Variants in SLC13A1 observed in about 807,000 individuals in gnomAD.
The protein encoded by SLC13A1 is Na(+)/sulfate cotransporter.
A neutral mutation model predicts 70.0 loss-of-function variants in SLC13A1; 65 were observed. The observed-to-expected ratio is 0.93, with a 90% confidence interval of 0.76 to 1.14. The LOEUF is 1.14. SLC13A1 is among the 50% of genes most tolerant of loss of function. The pLI is 0.00. For synonymous variants in SLC13A1, 275 were observed against 250.5 expected (o/e 1.10, Z -0.92); for missense variants, 726 against 717.8 (o/e 1.01, Z -0.13).
chr7:123,157,287 A>G (rs1441094180), intron 6 of SLC13A1, among the ~76,000 whole-genome samples: 4 of 152,120 alleles, frequency 2.6e-5, no homozygotes, highest in Admixed American at 1.3e-4. Flanking sequence ...AATTGAAGTT[A>G]TCGGTAAGAC....
At chr7:123,176,527 A>G (rs867778799) in intron 2 of SLC13A1, among the ~76,000 whole-genome samples, 1 of 152,164 alleles carries the variant, frequency 6.6e-6, no homozygotes, top group South Asian at 2.1e-4. Flanking sequence ...TAGTTATGTA[A>G]TTTACCAGTT....
chr7:123,147,419 C>T, intron 6 of SLC13A1, 109 bp from the exon 7 acceptor site: 2 of 1,276,188 alleles, frequency 1.6e-6, no homozygotes, highest in Non-Finnish European at 2.1e-6. Flanking sequence ...ACCCTAACTC[C>T]TGATGTGATT....
At chr7:123,196,417 CA>C (rs1454076992) in intron 1 of SLC13A1, among the ~76,000 whole-genome samples, 1 of 152,088 alleles carries the variant, frequency 6.6e-6, no homozygotes, top group Non-Finnish European at 1.5e-5. Context: ...TATAAAGACA[CA>C]GATACTCAGT....
At position 123,125,671 on chromosome 7, in the gene SLC13A1, G is replaced by C; in HGVS notation, c.1138C>G (p.Pro380Ala). 1 of 1,608,600 alleles carries C rather than the reference G, an allele frequency of 6.2e-7. No individual in the cohort carries two copies. The highest frequency in any genetic ancestry group is 8.5e-7 in the Non-Finnish European group (1 of 1,177,164). ...PGWSALFSEY[P>A]GFATDSTVAL... is the part of the protein sequence containing the mutation. ...ACAGTTGAATCTGTAGCAAAACCAG[G>C]GTACCTGTAAAAGGGACAAATACAT... The change falls in exon 11 of 15, where the codon CCT (proline) becomes GCT (alanine). Residue 380 changes from proline (P) to alanine (A), a missense_variant. Physicochemically the swap from Pro to Ala is conservative, Grantham distance 27. Transcript: ENST00000194130.
At chr7:123,169,749 A>AT (rs1455656562) in intron 3 of SLC13A1, among the ~76,000 whole-genome samples, 4 of 152,050 alleles carry the variant, frequency 2.6e-5, no homozygotes, top group African/African-American at 7.2e-5. Context: ...AAGGTCCCTT[A>AT]TTTTTTCTTT....
At chr7:123,167,902 A>G (rs988895764) in intron 6 of SLC13A1, among the ~76,000 whole-genome samples, 2 of 152,118 alleles carry the variant, frequency 1.3e-5, no homozygotes, top group African/African-American at 4.8e-5. Context: ...GGCCAGCAAG[A>G]TTTTAATAAG....
At chr7:123,173,014 T>C (rs1421624151) in intron 2 of SLC13A1, among the ~76,000 whole-genome samples, 2 of 152,116 alleles carry the variant, frequency 1.3e-5, no homozygotes, top group Non-Finnish European at 2.9e-5. Flanking sequence ...ATGAGAGTGG[T>C]ATTCAAGATA....
intron 6 of SLC13A1, 28 bp from the exon 7 acceptor site, chr7:123,147,338 T>C: frequency 1.9e-6 from 3 of 1,609,250 alleles, no homozygotes; most frequent in Non-Finnish European, 2.5e-6. Flanking sequence ...AAAACTACCA[T>C]GAGAACTGCT....
At chr7:123,126,569 T>C (rs1026875255) in intron 10 of SLC13A1, among the ~76,000 whole-genome samples, 3 of 152,130 alleles carry the variant, frequency 2.0e-5, no homozygotes, top group Admixed American at 6.6e-5. Flanking sequence ...CTCAGTAATA[T>C]GTATACACTA....
At chr7:123,181,625 A>G (rs1325601263) in intron 1 of SLC13A1, among the ~76,000 whole-genome samples, 1 of 152,130 alleles carries the variant, frequency 6.6e-6, no homozygotes, top group Non-Finnish European at 1.5e-5. Flanking sequence ...CTCAGAGAAA[A>G]GACATGACAA....
Position 123,114,769 on chromosome 7 carries a change from C to T in SLC13A1, c.*749G>A, listed in dbSNP as rs1159600963. On this transcript the variant is annotated 3_prime_UTR_variant, in exon 15 of 15. Transcript: ENST00000194130. The stretch of plus-strand genomic sequence containing the variant: ...ACTAATAGTGCAAATCATAGCAAGC[C>T]TTATCCATAGCTCTACAAAATGAAT... 1 of 152,114 alleles carries T rather than the reference C, an allele frequency of 6.6e-6. No homozygotes were observed. The highest frequency in any genetic ancestry group is 1.5e-5 in the Non-Finnish European group (1 of 68,026). 9.4% of individuals were successfully genotyped at this position (152,114 alleles called of 1,614,324 possible). A position where few individuals can be genotyped will look rare whatever the true frequency, so the allele number is the denominator to read the frequency against.
intron 2 of SLC13A1, among the ~76,000 whole-genome samples, chr7:123,172,936 T>G (rs562401959): frequency 6.6e-6 from 1 of 152,298 alleles, no homozygotes; most frequent in Admixed American, 6.5e-5. Flanking sequence ...TATCATATAC[T>G]ACATATTTTT....
At chr7:123,155,406 T>C (rs1335735902) in intron 6 of SLC13A1, among the ~76,000 whole-genome samples, 1 of 152,052 alleles carries the variant, frequency 6.6e-6, no homozygotes, top group Non-Finnish European at 1.5e-5. Context: ...TAGAATACTA[T>C]TTGTATTTGT....
At chr7:123,137,592 A>C (rs887615434) in intron 7 of SLC13A1, among the ~76,000 whole-genome samples, 1 of 152,036 alleles carries the variant, frequency 6.6e-6, no homozygotes, top group African/African-American at 2.4e-5. Context: ...GAAAATGGAC[A>C]CCTCAGTAAT....
intron 6 of SLC13A1, chr7:123,148,530 C>G (rs1411703559): frequency 2.0e-5 from 9 of 451,366 alleles, no homozygotes; most frequent in Admixed American, 1.9e-4. Flanking sequence ...TTTTCTCACC[C>G]ATGACCCTGT....
At chr7:123,184,672 A>AGT (rs149859642) in intron 1 of SLC13A1, among the ~76,000 whole-genome samples, 207 of 150,168 alleles carry the variant, frequency 1.4e-3, no homozygotes, top group Middle Eastern at 3.4e-3. Context: ...TGCATGTGTG[A>AGT]GTGTGTGTGT....
chr7:123,146,908 G>T (rs1473970544), intron 7 of SLC13A1, among the ~76,000 whole-genome samples: 1 of 152,110 alleles, frequency 6.6e-6, no homozygotes, highest in Non-Finnish European at 1.5e-5. Flanking sequence ...TGTTTGTTAA[G>T]GGTGGTCAGC....
intron 6 of SLC13A1, among the ~76,000 whole-genome samples, chr7:123,155,621 G>C (rs188697983): frequency 3.9e-5 from 6 of 151,986 alleles, no homozygotes; most frequent in African/African-American, 1.4e-4. Flanking sequence ...CATTTCAGGC[G>C]GTGAATATTT....
chr7:123,145,337 C>T (rs368075288), intron 7 of SLC13A1, among the ~76,000 whole-genome samples: 5 of 152,194 alleles, frequency 3.3e-5, no homozygotes, highest in East Asian at 1.9e-4. Flanking sequence ...CAAACTCTGC[C>T]GTGTCAAAAT....
Sources: allele counts gnomAD v4.1 joint callset (sites outside exome capture counted in the v4.1 genomes callset), GRCh38; gene constraint gnomAD v4.1.1; transcripts MANE v1.5; gene names NCBI Gene and HGNC (gene_info 2026-07-23, HGNC 2026-07-21).